Variants in PPM1E observed in about 807,000 individuals in gnomAD.
The protein encoded by PPM1E is protein phosphatase 1E.
PPM1E carries 20 observed loss-of-function variants against 65.9 expected under a neutral mutation model. That is an observed-to-expected ratio of 0.30 (90% CI 0.21 to 0.44). The LOEUF is 0.44. Ranked by LOEUF, PPM1E falls within the 20% of genes least tolerant of loss-of-function variation. The pLI is 1.00. For synonymous variants in PPM1E, 352 were observed against 374.9 expected (o/e 0.94, Z 0.70); for missense variants, 713 against 953.1 (o/e 0.75, Z 3.32).
intron 1 of PPM1E, among the ~76,000 whole-genome samples, chr17:58,800,940 T>A (rs2143051270): frequency 6.6e-6 from 1 of 152,298 alleles, no homozygotes; most frequent in South Asian, 2.1e-4. Context: ...TGATTGCAAT[T>A]CTTTATCATT....
chr17:58,959,200 T>C (rs1190014454), intron 2 of PPM1E, among the ~76,000 whole-genome samples: 1 of 151,222 alleles, frequency 6.6e-6, no homozygotes, highest in Non-Finnish European at 1.5e-5. Flanking sequence ...TCCCAGCTAC[T>C]TGGGAGGCTG....
chr17:58,838,989 A>G (rs2050690315), intron 1 of PPM1E, among the ~76,000 whole-genome samples: 1 of 152,196 alleles, frequency 6.6e-6, no homozygotes, highest in African/African-American at 2.4e-5. Flanking sequence ...GTGGCAGTAA[A>G]AAGATCAGTG....
intron 1 of PPM1E, among the ~76,000 whole-genome samples, chr17:58,883,557 C>A (rs1052145294): frequency 6.8e-6 from 1 of 146,122 alleles, no homozygotes; most frequent in African/African-American, 2.5e-5. Context: ...GATCTCGGCT[C>A]ACTGCAAGCT....
At chr17:58,889,625 T>G (rs949262375) in intron 1 of PPM1E, among the ~76,000 whole-genome samples, 1 of 152,182 alleles carries the variant, frequency 6.6e-6, no homozygotes, top group African/African-American at 2.4e-5. Context: ...TTTTAGATTT[T>G]TTTCTACTGC....
chr17:58,920,683 T>C (rs2051739502), intron 1 of PPM1E, among the ~76,000 whole-genome samples: 2 of 152,192 alleles, frequency 1.3e-5, no homozygotes, highest in Non-Finnish European at 2.9e-5. Context: ...CAAATAAGTT[T>C]AATAAGTTTG....
chr17:58,904,907 C>T (rs1207467551), intron 1 of PPM1E, among the ~76,000 whole-genome samples: 1 of 151,686 alleles, frequency 6.6e-6, no homozygotes, highest in East Asian at 1.9e-4. Flanking sequence ...CCTGTAATCC[C>T]AGCTACTTGG....
intron 1 of PPM1E, among the ~76,000 whole-genome samples, chr17:58,887,517 G>GAT (rs2051289080): frequency 6.6e-6 from 1 of 152,138 alleles, no homozygotes; most frequent in East Asian, 1.9e-4. Flanking sequence ...ATGCATGAAT[G>GAT]ATATGGCTAT....
At chr17:58,791,073 G>C (rs956105960) in intron 1 of PPM1E, among the ~76,000 whole-genome samples, 11 of 151,834 alleles carry the variant, frequency 7.2e-5, no homozygotes, top group African/African-American at 2.7e-4. Flanking sequence ...TGTATTTTTA[G>C]TAGAGATGGG....
rs576669822 is a variant in PPM1E, at chr17:58,872,832, G to T, written c.465-82817G>T. ...TGTAACATTTTTCCATACAAGGTCA[G>T]TCCATATGTTATATGTTATAGTTTG... is the stretch of plus-strand genomic sequence containing the variant. On this transcript the variant is annotated intron_variant, in intron 1 of 6. Transcript: ENST00000308249. 2.6e-5 allele frequency among the ~76,000 whole-genome samples: 4 copies of T among 151,000 alleles called. No homozygotes were observed. The South Asian group carries it at 8.4e-4, about 32-fold the overall frequency.
At chr17:58,802,878 T>G (rs2050271933) in intron 1 of PPM1E, among the ~76,000 whole-genome samples, 1 of 152,188 alleles carries the variant, frequency 6.6e-6, no homozygotes, top group Admixed American at 6.5e-5. Flanking sequence ...TGTGTGTTTT[T>G]TTTTATCCTA....
intron 1 of PPM1E, among the ~76,000 whole-genome samples, chr17:58,777,592 C>T (rs1266788983): frequency 6.6e-6 from 1 of 152,050 alleles, no homozygotes; most frequent in African/African-American, 2.4e-5. Context: ...TATCATTTTA[C>T]CTGTTGGCTG....
chr17:58,979,700 C>A (rs1382080149), intron 6 of PPM1E, among the ~76,000 whole-genome samples: 2 of 152,160 alleles, frequency 1.3e-5, no homozygotes, highest in Non-Finnish European at 2.9e-5. Flanking sequence ...TCAGCTAAGC[C>A]TAAATCATAG....
rs142796462 is a variant in PPM1E, at chr17:58,805,316, T to C, written c.464+48855T>C. 2.8e-3 allele frequency among the ~76,000 whole-genome samples: 426 copies of C among 152,276 alleles called. 2 individuals carry two copies. The highest frequency in any genetic ancestry group is 9.9e-3 in the African/African-American group (411 of 41,540). On this transcript the variant is annotated intron_variant, in intron 1 of 6. Coordinates refer to ENST00000308249, the MANE Select transcript of PPM1E (RefSeq NM_014906.5). ...CCCAGGCTGGAGTGCAATGCCGCGA[T>C]CTCGGCTCACCTCATCCTCTGCCTC... is the stretch of plus-strand genomic sequence containing the variant.
chr17:58,845,692 T>C (rs755342799), intron 1 of PPM1E, among the ~76,000 whole-genome samples: 2 of 152,188 alleles, frequency 1.3e-5, no homozygotes, highest in Non-Finnish European at 2.9e-5. Context: ...TTTTGTTTGT[T>C]TGTTTTTGAG....
chr17:58,893,028 C>T (rs190590533), intron 1 of PPM1E, among the ~76,000 whole-genome samples: 1 of 152,294 alleles, frequency 6.6e-6, no homozygotes, highest in African/African-American at 2.4e-5. Flanking sequence ...ATGGTACAGC[C>T]ACTTTGGAAG....
intron 1 of PPM1E, among the ~76,000 whole-genome samples, chr17:58,846,274 T>TTTA (rs986036441): frequency 6.6e-6 from 1 of 152,136 alleles, no homozygotes; most frequent in African/African-American, 2.4e-5. Context: ...TTCTTTCTTT[T>TTTA]TTATTATTAT....
chr17:58,931,941 C>T (rs1275765048), intron 1 of PPM1E, among the ~76,000 whole-genome samples: 1 of 152,140 alleles, frequency 6.6e-6, no homozygotes, highest in Non-Finnish European at 1.5e-5. Flanking sequence ...AGAGAATTTA[C>T]ATGTTATAAA....
At chr17:58,757,631 C>T (rs1273633808) in intron 1 of PPM1E, among the ~76,000 whole-genome samples, 1 of 152,144 alleles carries the variant, frequency 6.6e-6, no homozygotes, top group Non-Finnish European at 1.5e-5. Flanking sequence ...AAAGAAGGGC[C>T]TGGAAAGTAA....
rs547389643 is a variant in PPM1E at position 58,877,706 on chromosome 17, A to G, written c.465-77943A>G. Reference sequence around the variant, plus strand: ...AAGGAAAGCAGTTAGTGTGAATCACAGGATTGGGAAACTTGTATGGAAATT... The same window carrying G: ...AAGGAAAGCAGTTAGTGTGAATCACGGGATTGGGAAACTTGTATGGAAATT... On this transcript the variant is annotated intron_variant, in intron 1 of 6. Transcript: ENST00000308249. Among the ~76,000 whole-genome samples, 4 of 152,362 alleles carry G rather than the reference A, an allele frequency of 2.6e-5. No homozygotes were observed. In the Middle Eastern group the frequency reaches 0.01, roughly 389 times the overall value.
Sources: allele counts gnomAD v4.1 joint callset (sites outside exome capture counted in the v4.1 genomes callset), GRCh38; gene constraint gnomAD v4.1.1; transcripts MANE v1.5; gene names NCBI Gene and HGNC (gene_info 2026-07-23, HGNC 2026-07-21).